Variants in ZDHHC15 observed in about 807,000 individuals in gnomAD.
ZDHHC15 encodes zDHHC palmitoyltransferase 15.
A neutral mutation model predicts 31.7 loss-of-function variants in ZDHHC15; 19 were observed. The ratio of observed to expected loss-of-function variants is 0.60; its 90% CI spans 0.42 to 0.88. ZDHHC15 has a LOEUF of 0.88. Ranked by LOEUF, ZDHHC15 falls within the 40% of genes least tolerant of loss-of-function variation. ZDHHC15 has a pLI of 0.00. For synonymous variants in ZDHHC15, 103 were observed against 90.0 expected, an observed-to-expected ratio of 1.14 and a Z score of -0.82; for missense variants, 209 against 251.2, an observed-to-expected ratio of 0.83 and a Z score of 1.14.
intron 2 of ZDHHC15, among the ~76,000 whole-genome samples, chrX:75,494,487 C>T (rs2084956043): frequency 9.0e-6 from 1 of 111,375 alleles, no homozygotes; most frequent in African/African-American, 3.3e-5. Context: ...CAATCCTAAG[C>T]CAAAAGAACA....
intron 10 of ZDHHC15, among the ~76,000 whole-genome samples, chrX:75,380,765 T>C (rs1000902819): frequency 8.1e-5 from 9 of 111,631 alleles, no homozygotes; most frequent in Non-Finnish European, 1.3e-4. Flanking sequence ...TTCCCCCAAC[T>C]ACACCTGCCC....
chrX:75,370,194 G>A lies in ZDHHC15; in HGVS notation c.*2784C>T, dbSNP rs2082992674. On this transcript the variant is annotated 3_prime_UTR_variant, in exon 12 of 12. Coordinates refer to ENST00000373367, the MANE Select transcript of ZDHHC15 (RefSeq NM_144969.3). Reference sequence around the variant, plus strand: ...GAAAGTGACATAGCACCCTTCAGCAGTAGGATCCTAACAATGAGTATCTTC... The same window carrying A: ...GAAAGTGACATAGCACCCTTCAGCAATAGGATCCTAACAATGAGTATCTTC... 1 of 111,696 alleles carries A rather than the reference G, an allele frequency of 9.0e-6. No homozygotes were observed. Among genetic ancestry groups the A allele is most frequent in the African/African-American group, 3.3e-5 (1 of 30,738 alleles). 9.2% of individuals were successfully genotyped at this position (111,696 alleles called of 1,213,427 possible).
Position 75,426,150 on chromosome X carries a change from A to G in ZDHHC15, c.604-1366T>C, listed in dbSNP as rs773257750. On this transcript the variant is annotated intron_variant, in intron 7 of 11. Transcript: ENST00000373367. ...TGAACTTATAGAAAAGATTCCATAC[A>G]TTGCTTTGCAGTGGGTTTTGCCTTG... Among the ~76,000 whole-genome samples, 5 of 112,627 alleles carry G rather than the reference A, an allele frequency of 4.4e-5. No homozygotes were observed. In the South Asian group the frequency reaches 1.8e-3, roughly 41 times the overall value.
intron 3 of ZDHHC15, among the ~76,000 whole-genome samples, chrX:75,477,162 A>G (rs967670877): frequency 9.0e-6 from 1 of 111,562 alleles, no homozygotes; most frequent in South Asian, 3.7e-4. Context: ...TAATTTCCAC[A>G]TATTTATGAA....
intron 3 of ZDHHC15, among the ~76,000 whole-genome samples, chrX:75,466,859 C>G (rs1333669231): frequency 2.2e-4 from 20 of 92,287 alleles, no homozygotes; most frequent in African/African-American, 7.8e-4. Context: ...CACATGGACA[C>G]AGGAAGAGGA....
chrX:75,497,597 G>A (rs1224988419), intron 2 of ZDHHC15, among the ~76,000 whole-genome samples: 6 of 111,385 alleles, frequency 5.4e-5, no homozygotes, highest in African/African-American at 1.3e-4. Context: ...CTAGCTAACC[G>A]AATCCAATAG....
intron 4 of ZDHHC15, among the ~76,000 whole-genome samples, chrX:75,444,467 G>C (rs1450857503): frequency 1.3e-5 from 1 of 75,844 alleles, no homozygotes; most frequent in Non-Finnish European, 2.4e-5. Context: ...AGGGCCTGTC[G>C]TGGGGTGGGG....
chrX:75,450,846 T>G lies in ZDHHC15; in HGVS notation c.335A>C (p.Asp112Ala). The G allele has an allele frequency of 8.3e-7, 1 of 1,211,094 alleles. No homozygotes were observed. The highest frequency in any genetic ancestry group is 1.1e-6 in the Non-Finnish European group (1 of 895,071). ...GTAAACCGGTAGCTTTTTGGCCATATCAACAAGCATCTGCTTCTGGACCTC... is the reference window on the plus strand; with the variant it reads ...GTAAACCGGTAGCTTTTTGGCCATAGCAACAAGCATCTGCTTCTGGACCTC... ...RPEVQKQMLV[D>A]MAKKLPVYTR... Residue 112 changes from aspartate to alanine, a missense_variant, in exon 4 of 12, where the codon GAT becomes GCT. By Grantham distance (126) the Asp-to-Ala change is moderately radical (BLOSUM62 -2). Coordinates refer to ENST00000373367, the MANE Select transcript of ZDHHC15 (RefSeq NM_144969.3).
intron 5 of ZDHHC15, 69 bp from the exon 6 acceptor site, chrX:75,430,049 C>T (rs2083761450): frequency 2.7e-6 from 3 of 1,096,451 alleles, no homozygotes; most frequent in Non-Finnish European, 3.8e-6. Context: ...CATAATTAAA[C>T]TCAAGGTTTC....
chrX:75,376,169 AT>A lies in ZDHHC15; in HGVS notation c.*32+2950del, dbSNP rs372635493. Among the ~76,000 whole-genome samples the A allele has an allele frequency of 5.8e-4, 61 of 105,406 alleles. 1 individual carries two copies. The highest frequency in any genetic ancestry group is 1.9e-3 in the African/African-American group (56 of 28,848). The allele number at this position is 105,406 out of a possible 115,157, so 91.5% of individuals were successfully genotyped here. On this transcript the variant is annotated intron_variant, in intron 11 of 11. Coordinates refer to ENST00000373367, the MANE Select transcript of ZDHHC15 (RefSeq NM_144969.3). ...TCTCTGATGATTAGTGATGATGAGC[AT>A]TTTTTTTCATATGTTTGTTGGCTGC...
intron 10 of ZDHHC15, among the ~76,000 whole-genome samples, chrX:75,412,037 C>A (rs192283894): frequency 9.0e-6 from 1 of 111,721 alleles, no homozygotes; most frequent in South Asian, 3.7e-4. Context: ...TCAACATCAC[C>A]AATCTTTATG....
chrX:75,437,130 C>A (rs778877256), intron 4 of ZDHHC15, among the ~76,000 whole-genome samples: 1 of 111,186 alleles, frequency 9.0e-6, no homozygotes, highest in East Asian at 2.8e-4. Context: ...ATCCGCCCGC[C>A]CCGGCCACCC....
At chrX:75,406,669 A>G (rs1412319052) in intron 10 of ZDHHC15, among the ~76,000 whole-genome samples, 1 of 107,837 alleles carries the variant, frequency 9.3e-6, no homozygotes. Context: ...GAATAAACCA[A>G]TGAGTAATGA....
chrX:75,502,904 A>G (rs997910282), intron 2 of ZDHHC15, among the ~76,000 whole-genome samples: 1 of 111,331 alleles, frequency 9.0e-6, no homozygotes, highest in African/African-American at 3.3e-5. Context: ...GAACTCACAT[A>G]TTTAAAAAAG....
At chrX:75,501,084 C>T (rs1299852161) in intron 2 of ZDHHC15, among the ~76,000 whole-genome samples, 2 of 110,368 alleles carry the variant, frequency 1.8e-5, no homozygotes, top group East Asian at 2.9e-4. Flanking sequence ...AATCTTAGTA[C>T]CCAATTGTTA....
intron 3 of ZDHHC15, among the ~76,000 whole-genome samples, chrX:75,474,784 G>A (rs1305556935): frequency 8.1e-5 from 9 of 110,462 alleles, no homozygotes; most frequent in South Asian, 3.8e-4. Flanking sequence ...TTGGCCGGGC[G>A]CGGTGGCTCA....
At chrX:75,404,896 T>C (rs2083394702) in intron 10 of ZDHHC15, among the ~76,000 whole-genome samples, 1 of 111,682 alleles carries the variant, frequency 9.0e-6, no homozygotes, top group Non-Finnish European at 1.9e-5. Flanking sequence ...CAGAGGAATA[T>C]AAAGCATTCT....
intron 3 of ZDHHC15, among the ~76,000 whole-genome samples, chrX:75,471,669 G>A (rs1255343407): frequency 8.9e-6 from 1 of 111,949 alleles, no homozygotes; most frequent in Non-Finnish European, 1.9e-5. Context: ...GACCGAAAAG[G>A]CTGCCAGTTT....
At chrX:75,485,861 C>T (rs2084769493) in intron 2 of ZDHHC15, among the ~76,000 whole-genome samples, 2 of 112,003 alleles carry the variant, frequency 1.8e-5, no homozygotes, top group Admixed American at 9.5e-5. Flanking sequence ...CAAGTACTTT[C>T]ATAATCAAGA....
Sources: gnomAD v4.1 joint callset for allele counts (sites outside exome capture counted in the v4.1 genomes callset) on GRCh38, gnomAD v4.1.1 for gene constraint, MANE v1.5 for transcripts, NCBI Gene and HGNC (gene_info 2026-07-23, HGNC 2026-07-21) for gene names.